The following LIG3 variants were observed in gnomAD, a reference collection of about 807,000 sequenced individuals.
LIG3 encodes the protein DNA ligase 3.
LIG3 carries 58 observed loss-of-function variants against 110.9 expected under a neutral mutation model. That is an observed-to-expected ratio of 0.52 (90% CI 0.42 to 0.65). The LOEUF (loss-of-function observed/expected upper bound fraction) is 0.65, where lower values mean the gene tolerates loss of function less well. LIG3 is among the 30% of genes least tolerant of loss of function. LIG3 has a pLI of 0.00. For synonymous variants in LIG3, 422 were observed against 472.8 expected, an observed-to-expected ratio of 0.89 and a Z score of 1.39; for missense variants, 1,094 against 1,273.8, an observed-to-expected ratio of 0.86 and a Z score of 2.15.
chr17:35,004,494 A>G lies in LIG3; in HGVS notation c.3018A>G (p.Val1006=), dbSNP rs2090879751. Residue 1006 remains valine (V), a synonymous_variant, in exon 20 of 20, where the codon GTA becomes GTG. Transcript: ENST00000378526. ...CATGTATCCGGAAACGGAGACTGGT[A>G]GCTCCCTGCTAGGTTTGCTGTCTTC... ...IWACIRKRRL[V]APC is the part of the protein sequence containing the mutation. 1.2e-6 allele frequency: 2 copies of G among 1,613,462 alleles called. No homozygotes were observed. Among genetic ancestry groups the G allele is most frequent in the African/African-American group, 2.7e-5 (2 of 74,922 alleles).
intron 7 of LIG3, 120 bp from the exon 8 acceptor site, chr17:34,992,404 T>C: frequency 2.6e-6 from 3 of 1,139,794 alleles, no homozygotes; most frequent in Non-Finnish European, 3.8e-6. Context: ...CTTTAGACAA[T>C]AGAACACAAC....
In LIG3 at chr17:34,983,182, C is replaced by G; in HGVS notation, c.177C>G (p.Phe59Leu). The stretch of plus-strand genomic sequence containing the variant: ...TGAGAAGAAAGCCTGTTCTATCATT[C>G]CAGGGAAGCCATCTAAGATCACGTG... Reference protein sequence around the residue: ...LFLRRKPVLSFQGSHLRSRAT... With the variant: ...LFLRRKPVLSLQGSHLRSRAT... Residue 59 changes from phenylalanine to leucine, a missense_variant, in exon 2 of 20, where the codon TTC (phenylalanine) becomes TTG (leucine). By Grantham distance (22) the Phe-to-Leu change is conservative. Transcript: ENST00000378526. 1 of 1,614,176 alleles carries G rather than the reference C, an allele frequency of 6.2e-7. No homozygotes were observed. Among genetic ancestry groups the G allele is most frequent in the Non-Finnish European group, 8.5e-7 (1 of 1,180,014 alleles).
At chr17:34,991,866 C>A in intron 6 of LIG3, 29 bp downstream of exon 6, 1 of 1,613,844 alleles carries the variant, frequency 6.2e-7, no homozygotes, top group Non-Finnish European at 8.5e-7. Context: ...TCAAACCATG[C>A]CCATAGAGAG....
chr17:34,985,824 C>T, intron 2 of LIG3, 164 bp from the exon 3 acceptor site: 1 of 595,336 alleles, frequency 1.7e-6, no homozygotes. Context: ...ACCCTATTAC[C>T]TACTACCCCC....
chr17:35,003,505 G>A (rs1450642414), intron 19 of LIG3: 2 of 176,368 alleles, frequency 1.1e-5, no homozygotes, highest in Admixed American at 5.6e-5. Context: ...AGTAGAGACG[G>A]GATTTCACCA....
intron 3 of LIG3, among the ~76,000 whole-genome samples, chr17:34,989,183 A>C (rs2090690642): frequency 6.6e-6 from 1 of 152,076 alleles, no homozygotes; most frequent in Non-Finnish European, 1.5e-5. Flanking sequence ...TTTATTCTTC[A>C]GTAAAGTGCT....
intron 3 of LIG3, among the ~76,000 whole-genome samples, chr17:34,988,310 G>T (rs749412730): frequency 6.6e-6 from 1 of 152,090 alleles, no homozygotes; most frequent in African/African-American, 2.4e-5. Flanking sequence ...GAAGGGCTCC[G>T]GTGTTGGGGA....
At chr17:34,992,316 G>C (rs538961470) in intron 7 of LIG3, among the ~76,000 whole-genome samples, 1 of 152,196 alleles carries the variant, frequency 6.6e-6, no homozygotes, top group Non-Finnish European at 1.5e-5. Context: ...CCCCCTCCTC[G>C]CTAAGGCGGC....
At chr17:34,985,577 G>A (rs1365505337) in intron 2 of LIG3, among the ~76,000 whole-genome samples, 2 of 152,170 alleles carry the variant, frequency 1.3e-5, no homozygotes, top group Non-Finnish European at 2.9e-5. Context: ...GACATGCTCT[G>A]TGATCCTCAT....
chr17:34,992,741 A>T, intron 8 of LIG3, 49 bp downstream of exon 8: 2 of 1,505,632 alleles, frequency 1.3e-6, no homozygotes, highest in Non-Finnish European at 1.8e-6. Context: ...CAAGCTCCAC[A>T]TCCTTTGGGC....
Position 35,004,407 on chromosome 17 carries a change from C to T in LIG3, c.2931C>T (p.His977=), listed in dbSNP as rs375911587. The change falls in exon 20 of 20, where the codon CAC becomes CAT. Residue 977 remains histidine (H), a synonymous_variant. Coordinates refer to ENST00000378526, the MANE Select transcript of LIG3 (RefSeq NM_013975.4). ...VQEFDMTSAT[H]VLGSRDKNPA... The stretch of plus-strand genomic sequence containing the variant: ...AATTTGATATGACTTCAGCCACGCA[C>T]GTGCTGGGTAGCAGGGACAAGAACC... 1.2e-5 allele frequency: 20 copies of T among 1,614,194 alleles called. No homozygotes were observed. Among genetic ancestry groups the T allele is most frequent in the African/African-American group, 2.7e-5 (2 of 75,052 alleles).
Position 34,998,262 on chromosome 17 carries a change from A to G in LIG3, c.1955A>G (p.Glu652Gly), listed in dbSNP as rs2090800742. ...GACATGATAACCCGGGTGATCCAGG[A>G]GGGATTGGAGGGGCTGGTGCTGAAG... ...LADMITRVIQ[E>G]GLEGLVLKDV... Residue 652 changes from glutamate (E) to glycine (G), a missense_variant, in exon 13 of 20, where the codon GAG becomes GGG. Physicochemically the swap from Glu to Gly is moderately conservative, Grantham distance 98 (BLOSUM62 -2). Transcript: ENST00000378526. The G allele has an allele frequency of 6.2e-7, 1 of 1,613,636 alleles. No homozygotes were observed. Among genetic ancestry groups the G allele is most frequent in the Non-Finnish European group, 8.5e-7 (1 of 1,179,800 alleles).
chr17:34,995,699 A>G (rs2090770506), intron 9 of LIG3, among the ~76,000 whole-genome samples: 3 of 152,268 alleles, frequency 2.0e-5, no homozygotes, highest in African/African-American at 7.2e-5. Flanking sequence ...TCCAGTCCCC[A>G]GCCTGATAGT....
chr17:34,985,359 TGA>T (rs1249785810), intron 2 of LIG3, among the ~76,000 whole-genome samples: 1 of 152,204 alleles, frequency 6.6e-6, no homozygotes, highest in Non-Finnish European at 1.5e-5. Context: ...CCTTGTTCTT[TGA>T]AAGGAAAAAA....
rs3135979 is a variant in LIG3, at chr17:34,990,701, C to T, written c.890-262C>T. ...ATAGCCTCGACCTCCTGAGCTAAAG[C>T]AACCCTCCTGTCTTCTCCTGCAAGT... On this transcript the variant is annotated intron_variant, in intron 4 of 19. Coordinates refer to ENST00000378526, the MANE Select transcript of LIG3 (RefSeq NM_013975.4). 3.5e-3 allele frequency among the ~76,000 whole-genome samples: 539 copies of T among 152,308 alleles called. 4 individuals are homozygous for T. The highest frequency in any genetic ancestry group is 0.013 in the African/African-American group (523 of 41,560).
chr17:34,991,407 CT>C (rs1178071532), intron 5 of LIG3: 9 of 570,440 alleles, frequency 1.6e-5, no homozygotes, highest in East Asian at 5.9e-5. Flanking sequence ...ATTCTGGACT[CT>C]TTTTTTCTTG....
chr17:34,988,337 T>G (rs2090681396), intron 3 of LIG3, among the ~76,000 whole-genome samples: 1 of 151,086 alleles, frequency 6.6e-6, no homozygotes, highest in Non-Finnish European at 1.5e-5. Flanking sequence ...TTGGGAGGAG[T>G]TGAGAGAAAG....
intron 16 of LIG3, among the ~76,000 whole-genome samples, chr17:35,000,524 C>T (rs1316038199): frequency 1.3e-5 from 2 of 151,668 alleles, no homozygotes; most frequent in Non-Finnish European, 1.5e-5. Context: ...TCCCAGGGTG[C>T]TGGGATTACA....
At chr17:34,992,985 G>A (rs530136571) in intron 8 of LIG3, among the ~76,000 whole-genome samples, 7 of 152,216 alleles carry the variant, frequency 4.6e-5, no homozygotes, top group Non-Finnish European at 7.4e-5. Flanking sequence ...TGTGGATGAC[G>A]TCTGAGACTG....
Sources: allele counts gnomAD v4.1 joint callset (sites outside exome capture counted in the v4.1 genomes callset), GRCh38; gene constraint gnomAD v4.1.1; transcripts MANE v1.5; gene names NCBI Gene and HGNC (gene_info 2026-07-23, HGNC 2026-07-21).